The following ZNF385B variants were observed in gnomAD, a reference collection of about 807,000 sequenced individuals.
ZNF385B encodes zinc finger protein 385B, also known as zinc finger protein 533.
Under a neutral mutation model 39.2 loss-of-function variants are expected in ZNF385B, and 23 were observed. That is an observed-to-expected ratio of 0.59 (90% CI 0.42 to 0.83). The LOEUF (loss-of-function observed/expected upper bound fraction) is 0.83. Ranked by LOEUF, ZNF385B falls within the 40% of genes least tolerant of loss-of-function variation. The pLI is 0.00. For synonymous variants in ZNF385B, 205 were observed against 222.6 expected (o/e 0.92, Z 0.70); for missense variants, 552 against 598.9 (o/e 0.92, Z 0.82).
chr2:179,613,216 G>A (rs1558981367), intron 3 of ZNF385B, among the ~76,000 whole-genome samples: 1 of 152,138 alleles, frequency 6.6e-6, no homozygotes, highest in Non-Finnish European at 1.5e-5. Context: ...GAGCCCTCTT[G>A]GTGTTCTACC....
chr2:179,778,731 T>G (rs544590296), intron 1 of ZNF385B, among the ~76,000 whole-genome samples: 1 of 152,214 alleles, frequency 6.6e-6, no homozygotes. Flanking sequence ...CATTTTTATT[T>G]ATTATAAAAA....
chr2:179,610,221 TTA>T (rs1485384517), intron 3 of ZNF385B, among the ~76,000 whole-genome samples: 3 of 152,212 alleles, frequency 2.0e-5, no homozygotes, highest in African/African-American at 7.2e-5. Flanking sequence ...CATTTTGATT[TTA>T]TTTTTGTATA....
At chr2:179,571,106 A>C (rs1287768247) in intron 3 of ZNF385B, among the ~76,000 whole-genome samples, 1 of 152,206 alleles carries the variant, frequency 6.6e-6, no homozygotes, top group Non-Finnish European at 1.5e-5. Flanking sequence ...AACTTTCATT[A>C]ACAATTTAAA....
At chr2:179,772,700 T>C (rs998241310) in intron 1 of ZNF385B, among the ~76,000 whole-genome samples, 4 of 152,216 alleles carry the variant, frequency 2.6e-5, no homozygotes, top group Non-Finnish European at 5.9e-5. Flanking sequence ...TGAGTTTAAA[T>C]GGAAGAAGAG....
intron 3 of ZNF385B, among the ~76,000 whole-genome samples, chr2:179,681,235 T>C (rs1338825745): frequency 6.6e-6 from 1 of 152,174 alleles, no homozygotes; most frequent in African/African-American, 2.4e-5. Flanking sequence ...TATTTTTATT[T>C]TTTTCACATT....
chr2:179,550,347 C>A (rs1270663406), intron 3 of ZNF385B, among the ~76,000 whole-genome samples: 1 of 149,188 alleles, frequency 6.7e-6, no homozygotes, highest in Non-Finnish European at 1.5e-5. Context: ...TAATAACAAA[C>A]CCAAATCAAA....
At chr2:179,829,345 C>A (rs1266141675) in intron 1 of ZNF385B, among the ~76,000 whole-genome samples, 1 of 152,100 alleles carries the variant, frequency 6.6e-6, no homozygotes, top group Non-Finnish European at 1.5e-5. Flanking sequence ...AATTAAACAA[C>A]TGTACATACA....
chr2:179,460,790 A>G (rs771671102), intron 6 of ZNF385B, among the ~76,000 whole-genome samples: 1 of 152,130 alleles, frequency 6.6e-6, no homozygotes, highest in Non-Finnish European at 1.5e-5. Flanking sequence ...TTGCCAAACA[A>G]TCAGCATTTC....
chr2:179,728,815 C>T (rs1482936080), intron 3 of ZNF385B, among the ~76,000 whole-genome samples: 1 of 151,896 alleles, frequency 6.6e-6, no homozygotes, highest in East Asian at 1.9e-4. Flanking sequence ...AAAGCCATTC[C>T]ATTTTATATA....
chr2:179,707,199 A>G (rs557943573), intron 3 of ZNF385B, among the ~76,000 whole-genome samples: 4 of 152,234 alleles, frequency 2.6e-5, no homozygotes, highest in Non-Finnish European at 5.9e-5. Flanking sequence ...CCGTGGAATT[A>G]GTGGAGCTGC....
At chr2:179,477,865 A>C (rs949131590) in intron 6 of ZNF385B, among the ~76,000 whole-genome samples, 1 of 152,112 alleles carries the variant, frequency 6.6e-6, no homozygotes, top group East Asian at 1.9e-4. Flanking sequence ...ATAGAAATTA[A>C]GGATTATCAA....
intron 3 of ZNF385B, among the ~76,000 whole-genome samples, chr2:179,679,693 C>T (rs1697337699): frequency 1.3e-5 from 2 of 152,040 alleles, no homozygotes; most frequent in African/African-American, 4.8e-5. Context: ...ATGCTTTCGA[C>T]CCATGGCGGG....
chr2:179,621,823 G>A (rs951269719), intron 3 of ZNF385B, among the ~76,000 whole-genome samples: 5 of 152,020 alleles, frequency 3.3e-5, no homozygotes, highest in African/African-American at 4.8e-5. Context: ...TAATTACTTC[G>A]GAAACAAAAT....
intron 6 of ZNF385B, among the ~76,000 whole-genome samples, chr2:179,481,348 G>T (rs1057405364): frequency 1.3e-5 from 2 of 150,988 alleles, no homozygotes; most frequent in Non-Finnish European, 3.0e-5. Context: ...TTCTATTTCC[G>T]TATTGCTCTT....
intron 3 of ZNF385B, among the ~76,000 whole-genome samples, chr2:179,724,900 G>A (rs1220161498): frequency 2.0e-5 from 3 of 152,252 alleles, no homozygotes; most frequent in South Asian, 2.1e-4. Context: ...AGAAATTAAT[G>A]TAAGATTTTT....
At chr2:179,683,275 A>T (rs1697668230) in intron 3 of ZNF385B, among the ~76,000 whole-genome samples, 1 of 151,866 alleles carries the variant, frequency 6.6e-6, no homozygotes, top group South Asian at 2.1e-4. Context: ...CTGTAATCGC[A>T]GCTACTCAGG....
intron 3 of ZNF385B, among the ~76,000 whole-genome samples, chr2:179,615,447 C>G (rs1689653935): frequency 6.6e-6 from 1 of 152,126 alleles, no homozygotes; most frequent in East Asian, 1.9e-4. Context: ...ACTCTGTAGT[C>G]CATGTTTTAA....
intron 1 of ZNF385B, among the ~76,000 whole-genome samples, chr2:179,771,373 T>A (rs960001057): frequency 1.3e-5 from 2 of 152,228 alleles, no homozygotes; most frequent in Non-Finnish European, 2.9e-5. Context: ...TTTATACCCA[T>A]ACATCCAATT....
At chr2:179,737,931 T>A (rs1701866207) in intron 3 of ZNF385B, among the ~76,000 whole-genome samples, 1 of 152,222 alleles carries the variant, frequency 6.6e-6, no homozygotes, top group East Asian at 1.9e-4. Flanking sequence ...AATGCAGAAC[T>A]AATGTAATGA....
Sources: allele counts gnomAD v4.1 joint callset (sites outside exome capture counted in the v4.1 genomes callset), GRCh38; gene constraint gnomAD v4.1.1; transcripts MANE v1.5; gene names NCBI Gene and HGNC (gene_info 2026-07-23, HGNC 2026-07-21).